Variants in DPP10 observed in about 807,000 individuals in gnomAD.
DPP10 encodes inactive dipeptidyl peptidase 10.
A neutral mutation model predicts 120.9 loss-of-function variants in DPP10; 33 were observed. That is an observed-to-expected ratio of 0.27 (90% CI 0.21 to 0.37). DPP10 has a LOEUF of 0.37. Among genes scored for constraint, DPP10 ranks in the 10% least tolerant of loss-of-function variants. The pLI is 1.00. For missense variants in DPP10, 816 were observed against 942.8 expected, an observed-to-expected ratio of 0.87 and a Z score of 1.76; for synonymous variants, 337 against 326.1, an observed-to-expected ratio of 1.03 and a Z score of -0.36.
intron 1 of DPP10, chr2:115,065,653 C>T (rs183052735): frequency 6.6e-6 from 1 of 151,852 alleles, no homozygotes; most frequent in East Asian, 1.9e-4. Context: ...TGTATGTAGT[C>T]ATTCTTACCA....
chr2:114,831,909 G>A lies in DPP10; in HGVS notation c.60+389071G>A, dbSNP rs183456360. On this transcript the variant is annotated intron_variant, in intron 1 of 25. Transcript: ENST00000410059. ...TATATATAACCAAGGCAAAAAGTAAGAGGTTGATGCTCTCTGTCCAAACCT... is the reference window on the plus strand; with the variant it reads ...TATATATAACCAAGGCAAAAAGTAAAAGGTTGATGCTCTCTGTCCAAACCT... Among the ~76,000 whole-genome samples the A allele has an allele frequency of 7.9e-3, 1,180 of 148,520 alleles. 13 individuals carry two copies. Among genetic ancestry groups the A allele is most frequent in the African/African-American group, 0.028 (1,131 of 40,804 alleles).
intron 7 of DPP10, among the ~76,000 whole-genome samples, chr2:115,723,597 TTTG>T (rs1047041857): frequency 4.8e-5 from 7 of 145,474 alleles, no homozygotes; most frequent in African/African-American, 5.2e-5. Context: ...GTTGGTGTAT[TTTG>T]TTGTTGTTGT....
In DPP10 at chr2:114,571,302, C is replaced by T. The variant is rs1291164662; in HGVS notation, c.60+128464C>T. ...ATCTGGCTGTTTAAAAGTGTGGTGCCTCCTCACTCTCTCTTCCTCCTGCTC... is the reference window on the plus strand; with the variant it reads ...ATCTGGCTGTTTAAAAGTGTGGTGCTTCCTCACTCTCTCTTCCTCCTGCTC... On this transcript the variant is annotated intron_variant, in intron 1 of 25. Transcript: ENST00000410059. 2.0e-5 allele frequency among the ~76,000 whole-genome samples: 3 copies of T among 152,008 alleles called. No homozygotes were observed. The East Asian group carries it at 5.8e-4, about 29-fold the overall frequency.
chr2:115,362,089 T>G (rs1365427347), intron 3 of DPP10, among the ~76,000 whole-genome samples: 1 of 152,188 alleles, frequency 6.6e-6, no homozygotes. Flanking sequence ...TAAATTTACT[T>G]AATCAGCTTG....
chr2:114,679,233 G>A (rs779617418), intron 1 of DPP10, among the ~76,000 whole-genome samples: 58 of 151,982 alleles, frequency 3.8e-4, no homozygotes, highest in Middle Eastern at 3.2e-3. Context: ...ACAGAGAGGT[G>A]GTGCTGAGCT....
intron 5 of DPP10, among the ~76,000 whole-genome samples, chr2:115,570,717 A>G (rs941123037): frequency 1.3e-5 from 2 of 152,242 alleles, no homozygotes; most frequent in African/African-American, 4.8e-5. Flanking sequence ...AAAAGAACAT[A>G]CGTAGGAATG....
At chr2:115,089,672 G>A (rs928822993) in intron 1 of DPP10, among the ~76,000 whole-genome samples, 1 of 152,148 alleles carries the variant, frequency 6.6e-6, no homozygotes, top group Non-Finnish European at 1.5e-5. Context: ...GAACACAAGA[G>A]CAGAATCAAG....
chr2:114,575,730 G>A (rs1332665336), intron 1 of DPP10, among the ~76,000 whole-genome samples: 1 of 152,104 alleles, frequency 6.6e-6, no homozygotes, highest in African/African-American at 2.4e-5. Flanking sequence ...AATTTGGGGT[G>A]GTAGTCTTCT....
At chr2:114,806,351 G>A (rs1426844367) in intron 1 of DPP10, among the ~76,000 whole-genome samples, 8 of 152,112 alleles carry the variant, frequency 5.3e-5, no homozygotes, top group African/African-American at 1.9e-4. Context: ...AGTTTGAATG[G>A]CTTGCTTAAC....
At chr2:115,741,779 G>C (rs1034721929) in intron 9 of DPP10, among the ~76,000 whole-genome samples, 3 of 152,052 alleles carry the variant, frequency 2.0e-5, no homozygotes, top group African/African-American at 7.2e-5. Context: ...CAAATGCATT[G>C]CTGCATGCTC....
chr2:115,493,252 A>G (rs1336044338), intron 3 of DPP10, among the ~76,000 whole-genome samples: 2 of 152,072 alleles, frequency 1.3e-5, no homozygotes, highest in African/African-American at 2.4e-5. Flanking sequence ...GTCATAAAGA[A>G]CAATATAAAT....
chr2:115,773,440 T>C (rs1681716755), intron 13 of DPP10, among the ~76,000 whole-genome samples: 1 of 152,122 alleles, frequency 6.6e-6, no homozygotes, highest in East Asian at 1.9e-4. Context: ...CTATTCCAAA[T>C]TTCCAGCCCT....
intron 3 of DPP10, among the ~76,000 whole-genome samples, chr2:115,395,300 T>C (rs529133085): frequency 2.0e-5 from 3 of 152,280 alleles, no homozygotes; most frequent in Non-Finnish European, 4.4e-5. Context: ...CCTCTTCTTA[T>C]AAGGATGCCA....
At chr2:114,923,077 ACTGT>A (rs1322999596) in intron 1 of DPP10, among the ~76,000 whole-genome samples, 1 of 152,096 alleles carries the variant, frequency 6.6e-6, no homozygotes, top group East Asian at 1.9e-4. Context: ...CCAAAATTGG[ACTGT>A]CTTTTTATTG....
In DPP10 at chr2:115,687,943, C is replaced by G. The variant is rs1164618319; in HGVS notation, c.442-1744C>G. Among the ~76,000 whole-genome samples, 3 of 151,974 alleles carry G rather than the reference C, an allele frequency of 2.0e-5. No individual in the cohort carries two copies. In the East Asian group the frequency reaches 5.8e-4, roughly 29 times the overall value. On this transcript the variant is annotated intron_variant, in intron 5 of 25. Coordinates refer to ENST00000410059, the MANE Select transcript of DPP10 (RefSeq NM_020868.6). ...ATAGGATGAATACCCTCTTTCCCCC[C>G]ACGATATCATGACATATTTGTCTTC...
intron 2 of DPP10, among the ~76,000 whole-genome samples, chr2:115,340,473 T>C (rs189393439): frequency 6.6e-6 from 1 of 152,112 alleles, no homozygotes; most frequent in African/African-American, 2.4e-5. Flanking sequence ...TTTCCAGTTT[T>C]CACTGTTGTG....
chr2:115,637,656 C>T (rs2086452394), intron 5 of DPP10, among the ~76,000 whole-genome samples: 1 of 152,120 alleles, frequency 6.6e-6, no homozygotes, highest in Non-Finnish European at 1.5e-5. Context: ...TACTAAAACT[C>T]TTATTGAATT....
Position 115,421,929 on chromosome 2 carries a change from A to G in DPP10, c.272-77581A>G, listed in dbSNP as rs993683003. ...ATGTCAAATTTGGGAACTATTTTCTATTTGAAACTTTCCTTCTGTCTCTAA... is the reference window on the plus strand; with the variant it reads ...ATGTCAAATTTGGGAACTATTTTCTGTTTGAAACTTTCCTTCTGTCTCTAA... On this transcript the variant is annotated intron_variant, in intron 3 of 25. Coordinates refer to ENST00000410059, the MANE Select transcript of DPP10 (RefSeq NM_020868.6). Among the ~76,000 whole-genome samples, 7 of 144,504 alleles carry G rather than the reference A, an allele frequency of 4.8e-5. No individual in the cohort carries two copies. The South Asian group carries it at 1.6e-3, about 32-fold the overall frequency. 94.8% of individuals were successfully genotyped at this position (144,504 alleles called of 152,430 possible).
intron 5 of DPP10, among the ~76,000 whole-genome samples, chr2:115,584,188 A>G (rs992306225): frequency 5.3e-5 from 8 of 151,972 alleles, no homozygotes; most frequent in Admixed American, 2.6e-4. Context: ...AACTTAATTT[A>G]CTCCATTTTA....
Sources: gnomAD v4.1 joint callset for allele counts (sites outside exome capture counted in the v4.1 genomes callset) on GRCh38, gnomAD v4.1.1 for gene constraint, MANE v1.5 for transcripts, NCBI Gene and HGNC (gene_info 2026-07-23, HGNC 2026-07-21) for gene names.